The following CHD7 variants were observed in gnomAD, a reference collection of about 807,000 sequenced individuals.
CHD7 encodes ATP-dependent chromatin remodeler CHD7.
A neutral mutation model predicts 307.3 loss-of-function variants in CHD7; 24 were observed. That is an observed-to-expected ratio of 0.08 (90% CI 0.06 to 0.11). CHD7 has a LOEUF of 0.11. Among genes scored for constraint, CHD7 ranks in the 10% least tolerant of loss-of-function variants. The pLI, the probability that CHD7 is intolerant of heterozygous loss-of-function variation, is 1.00. For missense variants in CHD7, 3,106 were observed against 3,727.1 expected (o/e 0.83, Z 4.34); for synonymous variants, 1,363 against 1,349.9 (o/e 1.01, Z -0.21).
At chr8:60,851,398 C>A in intron 28 of CHD7, 79 bp downstream of exon 28, 1 of 1,041,906 alleles carries the variant, frequency 9.6e-7, no homozygotes, top group Middle Eastern at 2.0e-4. Flanking sequence ...GACTGTCCTG[C>A]TTCATGACAG....
At chr8:60,695,849 G>A (rs1806440479) in intron 1 of CHD7, among the ~76,000 whole-genome samples, 1 of 152,188 alleles carries the variant, frequency 6.6e-6, no homozygotes, top group African/African-American at 2.4e-5. Context: ...AGAATATGGT[G>A]AGACCTGCAC....
chr8:60,818,785 A>C (rs1373065660), intron 8 of CHD7, among the ~76,000 whole-genome samples: 2 of 152,246 alleles, frequency 1.3e-5, no homozygotes, highest in Non-Finnish European at 2.9e-5. Context: ...CCTGCAATTC[A>C]AGGGATAAGA....
chr8:60,847,173 C>T (rs993793053), intron 23 of CHD7, among the ~76,000 whole-genome samples: 5 of 152,188 alleles, frequency 3.3e-5, no homozygotes, highest in Admixed American at 2.0e-4. Flanking sequence ...CTATCCAGAA[C>T]CCATGCTGGC....
intron 8 of CHD7, among the ~76,000 whole-genome samples, chr8:60,818,237 T>G (rs1803838872): frequency 6.6e-6 from 1 of 152,236 alleles, no homozygotes; most frequent in African/African-American, 2.4e-5. Context: ...TTACATTCTT[T>G]GTTTCTCCTT....
chr8:60,804,725 A>G (rs1812463735), intron 6 of CHD7, among the ~76,000 whole-genome samples: 1 of 152,148 alleles, frequency 6.6e-6, no homozygotes, highest in African/African-American at 2.4e-5. Flanking sequence ...TGACTACTTA[A>G]TTTAGTAGTA....
intron 19 of CHD7, among the ~76,000 whole-genome samples, chr8:60,838,678 G>T (rs960514561): frequency 6.6e-6 from 1 of 152,104 alleles, no homozygotes. Context: ...AAACTCTTCA[G>T]AGCTAAAATC....
intron 4 of CHD7, among the ~76,000 whole-genome samples, chr8:60,798,340 T>G (rs944873251): frequency 6.6e-6 from 1 of 152,182 alleles, no homozygotes; most frequent in Admixed American, 6.5e-5. Flanking sequence ...TTAATAAACT[T>G]TTTCTAGAAT....
chr8:60,729,025 T>G (rs1311253797), intron 1 of CHD7, among the ~76,000 whole-genome samples: 1 of 152,226 alleles, frequency 6.6e-6, no homozygotes, highest in Non-Finnish European at 1.5e-5. Flanking sequence ...AGATTTATTC[T>G]ACAAGTGTTA....
chr8:60,815,350 G>A (rs4738829), intron 7 of CHD7, among the ~76,000 whole-genome samples: 80,150 of 151,922 alleles, frequency 0.53, 25,531 homozygotes, highest in East Asian at 0.79. Flanking sequence ...ATTTCTAAGA[G>A]TACTAGTATG....
At chr8:60,836,500 A>G (rs1563643678) in intron 16 of CHD7, among the ~76,000 whole-genome samples, 2 of 152,176 alleles carry the variant, frequency 1.3e-5, no homozygotes, top group Admixed American at 6.5e-5. Flanking sequence ...TTATTTCCCC[A>G]TTGCCTTTAT....
Position 60,742,502 on chromosome 8 carries a change from G to A in CHD7, c.1070G>A (p.Ser357Asn). 1.9e-6 allele frequency: 3 copies of A among 1,614,004 alleles called. No homozygotes were observed. Among genetic ancestry groups the A allele is most frequent in the Non-Finnish European group, 2.5e-6 (3 of 1,179,896 alleles). ...YPNAVGFPSN[S>N]GQGLMHQQPI... ...AATGCTGTAGGATTCCCATCAAACAGTGGTCAAGGACTAATGCACCAGCAG... is the reference window on the plus strand; with the variant it reads ...AATGCTGTAGGATTCCCATCAAACAATGGTCAAGGACTAATGCACCAGCAG... The change falls in exon 2 of 38, where the codon AGT (serine) becomes AAT (asparagine). Residue 357 changes from serine to asparagine, a missense_variant. Ser to Asn is a conservative substitution (Grantham distance 46, BLOSUM62 1). Transcript: ENST00000423902.
chr8:60,865,804 C>T lies in CHD7; in HGVS notation c.8865C>T (p.Gly2955=). The T allele has an allele frequency of 6.2e-7, 1 of 1,613,996 alleles. No individual in the cohort carries two copies. The highest frequency in any genetic ancestry group is 8.5e-7 in the Non-Finnish European group (1 of 1,179,874). ...TTAAAGATGGAGAGACCCTTGAAGG[C>T]AGCGATGCCGAGGAGAGCCTGGATA... is the stretch of plus-strand genomic sequence containing the variant. The part of the protein sequence containing the change: ...GPFKDGETLE[G]SDAEESLDKT... The change falls in exon 38 of 38, where the codon GGC becomes GGT. Residue 2955 remains glycine, a synonymous_variant. Coordinates refer to ENST00000423902, the MANE Select transcript of CHD7 (RefSeq NM_017780.4). This position sits in a 1 kb window ranked among gnomAD's most constrained non-coding sequence, Gnocchi z 4.3.
At chr8:60,855,248 T>G (rs1388026838) in intron 32 of CHD7, 2 of 152,196 alleles carry the variant, frequency 1.3e-5, no homozygotes, top group Non-Finnish European at 2.9e-5. Flanking sequence ...TCAAAGACAT[T>G]TTGTTTCCTC....
At chr8:60,714,888 A>G (rs1486485293) in intron 1 of CHD7, among the ~76,000 whole-genome samples, 3 of 152,238 alleles carry the variant, frequency 2.0e-5, no homozygotes, top group Non-Finnish European at 4.4e-5. Context: ...GCTCTATCAG[A>G]AAGGTGCTCA....
intron 1 of CHD7, among the ~76,000 whole-genome samples, chr8:60,724,144 A>C (rs1808055139): frequency 6.6e-6 from 1 of 152,146 alleles, no homozygotes; most frequent in Non-Finnish European, 1.5e-5. Flanking sequence ...TTATCTGGGG[A>C]GGTAGTTCGT....
At chr8:60,725,119 G>A (rs1045090263) in intron 1 of CHD7, among the ~76,000 whole-genome samples, 6 of 152,194 alleles carry the variant, frequency 3.9e-5, no homozygotes, top group Non-Finnish European at 7.3e-5. Flanking sequence ...AAAGAGGGGC[G>A]GGAACACCTA....
rs764358718 is a variant in CHD7, at chr8:60,852,671, G to T, written c.6068G>T (p.Arg2023Met). The T allele has an allele frequency of 6.2e-7, 1 of 1,613,990 alleles. No homozygotes were observed. The highest frequency in any genetic ancestry group is 1.7e-5 in the Admixed American group (1 of 60,020). Residue 2023 changes from arginine to methionine, a missense_variant, in exon 30 of 38, where the codon AGG (arginine) becomes ATG (methionine). Coordinates refer to ENST00000423902, the MANE Select transcript of CHD7 (RefSeq NM_017780.4). ...KYFSCFVAMC[R>M]RVCRMPVKPD... is the part of the protein sequence containing the mutation. Reference sequence around the variant, plus strand: ...TTCAGTTGTTTTGTGGCCATGTGTAGGCGAGTATGTCGAATGCCCGTCAAG... The same window carrying T: ...TTCAGTTGTTTTGTGGCCATGTGTATGCGAGTATGTCGAATGCCCGTCAAG...
In CHD7 at chr8:60,838,024, A is replaced by T. The variant is rs1162999534; in HGVS notation, c.4354-52A>T. 2.9e-6 allele frequency: 4 copies of T among 1,373,940 alleles called. No individual in the cohort carries two copies. The Admixed American group carries it at 1.2e-4, about 40-fold the overall frequency. 85.1% of individuals were successfully genotyped at this position (1,373,940 alleles called of 1,614,324 possible). A position where few individuals can be genotyped will look rare whatever the true frequency, so the allele number is the denominator to read the frequency against. ...AAATGCAGCATTTGTTTAGTCTGCA[A>T]ACCTCTTAATTTTAAATTATTTTGA... On this transcript the variant is annotated intron_variant, in intron 18 of 37. Coordinates refer to ENST00000423902, the MANE Select transcript of CHD7 (RefSeq NM_017780.4).
At chr8:60,719,708 A>G (rs1373026084) in intron 1 of CHD7, among the ~76,000 whole-genome samples, 2 of 152,190 alleles carry the variant, frequency 1.3e-5, no homozygotes, top group African/African-American at 4.8e-5. Context: ...AGTGAAGCTC[A>G]GCTCCAGTGA....
Sources: allele counts gnomAD v4.1 joint callset (sites outside exome capture counted in the v4.1 genomes callset), GRCh38; gene constraint gnomAD v4.1.1; non-coding constraint Gnocchi (gnomAD v3.1); transcripts MANE v1.5; gene names NCBI Gene and HGNC (gene_info 2026-07-23, HGNC 2026-07-21).